Variants in FSTL4 observed in about 807,000 individuals in gnomAD.
FSTL4 encodes follistatin like 4, also known as follistatin-related protein 4.
In FSTL4, 28 loss-of-function variants were observed where a neutral mutation model predicts 78.2. The observed-to-expected ratio is 0.36, with a 90% confidence interval of 0.27 to 0.49. The LOEUF (loss-of-function observed/expected upper bound fraction) is 0.49, where lower values mean the gene tolerates loss of function less well. FSTL4 is among the 20% of genes least tolerant of loss of function. The probability of loss-of-function intolerance (pLI) is 0.98; values close to 1 mark genes in which losing one functional copy is unlikely to be tolerated. For missense variants in FSTL4, 922 were observed against 1,084.9 expected (o/e 0.85, Z 2.11); for synonymous variants, 422 against 440.5 (o/e 0.96, Z 0.53).
At chr5:133,635,134 G>T in the FSTL4 span, among the ~76,000 whole-genome samples, 1 of 151,962 alleles carries the variant, frequency 6.6e-6, no homozygotes, top group Non-Finnish European at 1.5e-5. Flanking sequence ...GTCTAAGTTG[G>T]AGTGGAAAGC....
intron 11 of FSTL4, 188 bp downstream of exon 11, chr5:133,224,002 C>A: frequency 1.9e-6 from 1 of 524,598 alleles, no homozygotes; most frequent in Admixed American, 3.7e-5. Context: ...TTAAAAATTT[C>A]TCATTAAAGA....
chr5:133,551,503 A>G (rs1387111571), intron 3 of FSTL4, among the ~76,000 whole-genome samples: 1 of 152,238 alleles, frequency 6.6e-6, no homozygotes, highest in African/African-American at 2.4e-5. Flanking sequence ...AAGGGAGTTA[A>G]TAAGTTCCTC....
chr5:133,313,476 C>T (rs1451090247), intron 5 of FSTL4, among the ~76,000 whole-genome samples: 2 of 152,140 alleles, frequency 1.3e-5, no homozygotes, highest in Non-Finnish European at 2.9e-5. Flanking sequence ...CATGATCAGC[C>T]ACACGTCCCA....
chr5:133,653,828 G>A, the FSTL4 span, among the ~76,000 whole-genome samples: 110 of 152,284 alleles, frequency 7.2e-4, no homozygotes, highest in African/African-American at 2.3e-3. Flanking sequence ...ACACACTCAC[G>A]CACATGCACA....
At chr5:133,701,296 C>T in the FSTL4 span, among the ~76,000 whole-genome samples, 1 of 151,030 alleles carries the variant, frequency 6.6e-6, no homozygotes, top group Non-Finnish European at 1.5e-5. Flanking sequence ...CCAGCTATTC[C>T]AGTGGCTGGG....
chr5:133,376,370 T>G (rs756594133), intron 4 of FSTL4, among the ~76,000 whole-genome samples: 2 of 152,192 alleles, frequency 1.3e-5, no homozygotes, highest in African/African-American at 4.8e-5. Context: ...TTGGAATTCA[T>G]GTGAAAAATA....
chr5:133,650,077 C>T, the FSTL4 span, among the ~76,000 whole-genome samples: 5 of 152,108 alleles, frequency 3.3e-5, no homozygotes, highest in South Asian at 2.1e-4. Context: ...GATCCCATGG[C>T]GAGAGAGGAA....
intron 3 of FSTL4, among the ~76,000 whole-genome samples, chr5:133,404,706 G>A (rs908794982): frequency 2.6e-5 from 4 of 152,154 alleles, no homozygotes; most frequent in African/African-American, 9.7e-5. Context: ...GGTTGTGGAA[G>A]GCAAGCCCGT....
chr5:133,437,871 A>G (rs1243244268), intron 3 of FSTL4, among the ~76,000 whole-genome samples: 1 of 150,206 alleles, frequency 6.7e-6, no homozygotes, highest in African/African-American at 2.5e-5. Context: ...TCTTTTAAAC[A>G]TTTTTTCATT....
chr5:133,629,548 G>A, the FSTL4 span, among the ~76,000 whole-genome samples: 1 of 152,132 alleles, frequency 6.6e-6, no homozygotes, highest in African/African-American at 2.4e-5. Context: ...CAGATTCACA[G>A]CCAAATTCTA....
In FSTL4 at chr5:133,361,202, G is replaced by C. The variant is rs11959187; in HGVS notation, c.409+39536C>G. Among the ~76,000 whole-genome samples, 1 of 152,160 alleles carries C rather than the reference G, an allele frequency of 6.6e-6. No individual in the cohort carries two copies. The highest frequency in any genetic ancestry group is 1.5e-5 in the Non-Finnish European group (1 of 68,032). On this transcript the variant is annotated intron_variant, in intron 4 of 15. Coordinates refer to ENST00000265342, the MANE Select transcript of FSTL4 (RefSeq NM_015082.2). The surrounding 1 kb of genome is among the most constrained non-coding windows in gnomAD (Gnocchi z 4.3). ...GCTCTAATAAACTTTTCAAGGAGGG[G>C]TCGCATTCCGACCCTGCAGTGCTGG...
At chr5:133,250,936 G>C (rs1000322013) in intron 6 of FSTL4, among the ~76,000 whole-genome samples, 5 of 152,226 alleles carry the variant, frequency 3.3e-5, no homozygotes, top group Admixed American at 2.6e-4. Context: ...AGAGCCAATA[G>C]GCCGGTGGGG....
chr5:133,600,623 C>A (rs1760845006), intron 2 of FSTL4, among the ~76,000 whole-genome samples: 1 of 152,174 alleles, frequency 6.6e-6, no homozygotes, highest in African/African-American at 2.4e-5. Flanking sequence ...CCACTGCAGT[C>A]TTTGTACATA....
intron 3 of FSTL4, among the ~76,000 whole-genome samples, chr5:133,512,905 C>A (rs1364397908): frequency 6.6e-6 from 1 of 152,154 alleles, no homozygotes; most frequent in Non-Finnish European, 1.5e-5. Context: ...GCAACCTCCA[C>A]TTTCCAGGTT....
At chr5:133,314,539 T>C (rs901241895) in intron 5 of FSTL4, among the ~76,000 whole-genome samples, 3 of 151,996 alleles carry the variant, frequency 2.0e-5, no homozygotes, top group Non-Finnish European at 4.4e-5. Context: ...CTGGAGGTAC[T>C]TGTTGTCCCT....
chr5:133,740,675 A>G, the FSTL4 span, among the ~76,000 whole-genome samples: 119,186 of 152,154 alleles, frequency 0.78, 47,529 homozygotes, highest in East Asian at 0.95. Context: ...CCTCTCCTGC[A>G]TCTGCCAGTG....
chr5:133,317,430 C>T (rs1309823268), intron 4 of FSTL4, among the ~76,000 whole-genome samples: 4 of 152,204 alleles, frequency 2.6e-5, no homozygotes, highest in Non-Finnish European at 5.9e-5. Flanking sequence ...GGCAGCCCCT[C>T]CAGCCCCACT....
At chr5:133,470,872 G>T (rs1413252106) in intron 3 of FSTL4, among the ~76,000 whole-genome samples, 1 of 151,624 alleles carries the variant, frequency 6.6e-6, no homozygotes, top group Non-Finnish European at 1.5e-5. Flanking sequence ...ATAAAGCCAA[G>T]AGAATTTTCC....
the FSTL4 span, among the ~76,000 whole-genome samples, chr5:133,742,379 A>G: frequency 2.0e-5 from 3 of 152,236 alleles, no homozygotes; most frequent in African/African-American, 7.2e-5. Context: ...CACAAGGAAG[A>G]TGTATACAGA....
Sources: gnomAD v4.1 joint callset for allele counts (sites outside exome capture counted in the v4.1 genomes callset) on GRCh38, gnomAD v4.1.1 for gene constraint, Gnocchi (gnomAD v3.1) non-coding constraint, MANE v1.5 for transcripts, NCBI Gene and HGNC (gene_info 2026-07-23, HGNC 2026-07-21) for gene names.